TMTC1: variants seen among roughly 807,000 people sequenced by gnomAD.
TMTC1 encodes protein O-mannosyl-transferase TMTC1.
In TMTC1, 73 loss-of-function variants were observed where a neutral mutation model predicts 104.8. That is an observed-to-expected ratio of 0.70 (90% CI 0.58 to 0.85). TMTC1 has a LOEUF of 0.85. Ranked by LOEUF, TMTC1 falls within the 40% of genes least tolerant of loss-of-function variation. The probability of loss-of-function intolerance (pLI) is 0.00; values close to 1 mark genes in which losing one functional copy is unlikely to be tolerated. For synonymous variants in TMTC1, 434 were observed against 428.7 expected (o/e 1.01, Z -0.15); for missense variants, 1,035 against 1,096.1 (o/e 0.94, Z 0.79).
chr12:29,774,098 G>A (rs897215189), intron 1 of TMTC1, among the ~76,000 whole-genome samples: 5 of 152,202 alleles, frequency 3.3e-5, no homozygotes, highest in Non-Finnish European at 7.4e-5. Context: ...AAGCCTTTGC[G>A]TTCCTTTCTC....
intron 7 of TMTC1, among the ~76,000 whole-genome samples, chr12:29,600,008 A>ATATATTTT (rs59108744): frequency 1.7e-5 from 2 of 118,686 alleles, no homozygotes; most frequent in Admixed American, 1.7e-4. Context: ...ATATATATAT[A>ATATATTTT]TTTTTTTTTT....
At chr12:29,599,061 T>C (rs2136382834) in intron 7 of TMTC1, among the ~76,000 whole-genome samples, 1 of 152,350 alleles carries the variant, frequency 6.6e-6, no homozygotes, top group Admixed American at 6.5e-5. Flanking sequence ...CTGAAGTGAA[T>C]AAATCATCCT....
At chr12:29,599,478 C>A (rs1946496530) in intron 7 of TMTC1, among the ~76,000 whole-genome samples, 1 of 152,140 alleles carries the variant, frequency 6.6e-6, no homozygotes, top group Non-Finnish European at 1.5e-5. Flanking sequence ...TATTTCAGAC[C>A]TTTTCTGGGT....
intron 5 of TMTC1, among the ~76,000 whole-genome samples, chr12:29,714,343 C>T (rs926556659): frequency 4.3e-4 from 66 of 152,278 alleles, no homozygotes; most frequent in African/African-American, 1.6e-3. Context: ...ATTGCCTGTT[C>T]CATCACATGG....
intron 6 of TMTC1, among the ~76,000 whole-genome samples, chr12:29,620,416 G>A (rs929648566): frequency 6.6e-6 from 1 of 152,150 alleles, no homozygotes; most frequent in African/African-American, 2.4e-5. Flanking sequence ...AACACAGAGG[G>A]GACTGGCTTC....
At chr12:29,717,295 C>A (rs1301164553) in intron 5 of TMTC1, among the ~76,000 whole-genome samples, 1 of 152,110 alleles carries the variant, frequency 6.6e-6, no homozygotes, top group Admixed American at 6.5e-5. Flanking sequence ...AATAAACTTA[C>A]GGAGTAAGTG....
intron 5 of TMTC1, among the ~76,000 whole-genome samples, chr12:29,748,106 T>C (rs1044564895): frequency 4.6e-5 from 7 of 152,168 alleles, no homozygotes; most frequent in South Asian, 2.1e-4. Flanking sequence ...AGAGAAAACA[T>C]ATATGACAAC....
rs10574727 is a variant in TMTC1 at position 29,713,300 on chromosome 12, TACACACACACACAC to T, written c.938+38352_938+38365del. 7.4e-5 allele frequency among the ~76,000 whole-genome samples: 10 copies of T among 134,408 alleles called. No individual in the cohort carries two copies. In the East Asian group the frequency reaches 1.1e-3, roughly 15 times the overall value. The allele number at this position is 134,408 out of a possible 152,430, so 88.2% of individuals were successfully genotyped here. On this transcript the variant is annotated intron_variant, in intron 5 of 17. Transcript: ENST00000539277. The stretch of plus-strand genomic sequence containing the variant: ...AAATAAATCTCTCTACATAAACACA[TACACACACACACAC>T]ACACACACACACACACACACACACA...
intron 10 of TMTC1, among the ~76,000 whole-genome samples, chr12:29,539,135 G>A (rs1242772925): frequency 6.6e-6 from 1 of 152,250 alleles, no homozygotes; most frequent in Admixed American, 6.5e-5. Flanking sequence ...AATAGGTGTG[G>A]CTTTGACACA....
At chr12:29,600,933 A>C (rs1314375702) in intron 7 of TMTC1, among the ~76,000 whole-genome samples, 1 of 152,224 alleles carries the variant, frequency 6.6e-6, no homozygotes, top group Non-Finnish European at 1.5e-5. Context: ...AAAGAAAAGG[A>C]CAGTCATCTT....
intron 5 of TMTC1, among the ~76,000 whole-genome samples, chr12:29,690,025 T>C (rs1941218869): frequency 6.6e-6 from 1 of 152,236 alleles, no homozygotes; most frequent in South Asian, 2.1e-4. Flanking sequence ...CTGTGCTGAC[T>C]CTGTTTGGCA....
At chr12:29,594,658 T>C (rs1356158212) in intron 7 of TMTC1, among the ~76,000 whole-genome samples, 2 of 152,182 alleles carry the variant, frequency 1.3e-5, no homozygotes, top group African/African-American at 2.4e-5. Context: ...ACAAAGGAGC[T>C]TGATGAACAA....
chr12:29,527,221 CT>C (rs1417661642), intron 11 of TMTC1, among the ~76,000 whole-genome samples: 1 of 152,060 alleles, frequency 6.6e-6, no homozygotes, highest in Non-Finnish European at 1.5e-5. Context: ...GCATTTATTC[CT>C]TGAGGGAGAA....
intron 7 of TMTC1, among the ~76,000 whole-genome samples, chr12:29,597,703 TC>T (rs1565697994): frequency 6.6e-6 from 1 of 151,538 alleles, no homozygotes; most frequent in Non-Finnish European, 1.5e-5. Context: ...CTATGCTGAA[TC>T]ACAAAACAGT....
In TMTC1 at chr12:29,506,870, T is replaced by C; in HGVS notation, c.2625A>G (p.Glu875=). 1 of 1,614,162 alleles carries C rather than the reference T, an allele frequency of 6.2e-7. No individual in the cohort carries two copies. The highest frequency in any genetic ancestry group is 1.1e-5 in the South Asian group (1 of 91,080). Reference sequence around the variant, plus strand: ...GCTATGTTTGATCCTTTTCTCGAACTTCTTGTAATCGTTTTTCTAGGCGAT... The same window carrying C: ...GCTATGTTTGATCCTTTTCTCGAACCTCTTGTAATCGTTTTTCTAGGCGAT... ...KLDRLEKRLQ[E]VREKDQT Residue 875 remains glutamate (E), a synonymous_variant, in exon 18 of 18, where the codon GAA becomes GAG. Transcript: ENST00000539277.
intron 11 of TMTC1, among the ~76,000 whole-genome samples, chr12:29,521,735 T>G (rs1184002852): frequency 6.6e-6 from 1 of 151,938 alleles, no homozygotes; most frequent in Non-Finnish European, 1.5e-5. Flanking sequence ...GCCCAGCTAA[T>G]TTTTGTATTT....
intron 5 of TMTC1, among the ~76,000 whole-genome samples, chr12:29,651,966 A>T (rs1242805879): frequency 6.6e-6 from 1 of 151,886 alleles, no homozygotes; most frequent in East Asian, 1.9e-4. Context: ...GATTTTGTGC[A>T]AGATGATTAA....
chr12:29,768,046 G>T lies in TMTC1; in HGVS notation c.332C>A (p.Pro111Gln), dbSNP rs2120501567. 1 of 1,612,950 alleles carries T rather than the reference G, an allele frequency of 6.2e-7. No individual in the cohort carries two copies. The highest frequency in any genetic ancestry group is 8.5e-7 in the Non-Finnish European group (1 of 1,179,486). Reference protein sequence around the residue: ...KLNIFLTGMNPFYFHAVNIIL... With the variant: ...KLNIFLTGMNQFYFHAVNIIL... ...TATATTTACTGCATGAAAGTAGAATGGGTTCATACCAGTCAAAAATATGTT... is the reference window on the plus strand; with the variant it reads ...TATATTTACTGCATGAAAGTAGAATTGGTTCATACCAGTCAAAAATATGTT... The change falls in exon 2 of 18, where the codon CCA becomes CAA. Residue 111 changes from proline to glutamine, a missense_variant. Physicochemically the swap from Pro to Gln is moderately conservative, Grantham distance 76. Coordinates refer to ENST00000539277, the MANE Select transcript of TMTC1 (RefSeq NM_001193451.2).
intron 1 of TMTC1, among the ~76,000 whole-genome samples, chr12:29,771,852 T>C (rs554619920): frequency 3.9e-5 from 6 of 152,266 alleles, no homozygotes; most frequent in Admixed American, 3.9e-4. Context: ...ATGCTCAGCC[T>C]AGAGAAAGAT....
Sources: gnomAD v4.1 joint callset for allele counts (sites outside exome capture counted in the v4.1 genomes callset) on GRCh38, gnomAD v4.1.1 for gene constraint, MANE v1.5 for transcripts, NCBI Gene and HGNC (gene_info 2026-07-23, HGNC 2026-07-21) for gene names.